Variants in FBXL7 observed in about 807,000 individuals in gnomAD.
The protein encoded by FBXL7 is F-box/LRR-repeat protein 7.
Under a neutral mutation model 38.3 loss-of-function variants are expected in FBXL7, and 12 were observed. That is an observed-to-expected ratio of 0.31 (90% CI 0.20 to 0.51). The LOEUF is 0.51. FBXL7 is among the 20% of genes least tolerant of loss of function. The pLI, the probability that FBXL7 is intolerant of heterozygous loss-of-function variation, is 0.98. For synonymous variants in FBXL7, 297 were observed against 300.9 expected (o/e 0.99, Z 0.13); for missense variants, 567 against 676.4 (o/e 0.84, Z 1.79).
chr5:15,712,208 T>C (rs1339836547), intron 2 of FBXL7, among the ~76,000 whole-genome samples: 2 of 152,236 alleles, frequency 1.3e-5, no homozygotes, highest in African/African-American at 4.8e-5. Flanking sequence ...TAATGCACTT[T>C]CCTGTAGTCA....
At chr5:15,507,623 G>A (rs946848677) in intron 1 of FBXL7, among the ~76,000 whole-genome samples, 1 of 152,218 alleles carries the variant, frequency 6.6e-6, no homozygotes, top group Admixed American at 6.5e-5. Context: ...AATAAAATAT[G>A]TGACAGCATC....
At chr5:15,749,522 G>A (rs1736101097) in intron 2 of FBXL7, among the ~76,000 whole-genome samples, 1 of 151,972 alleles carries the variant, frequency 6.6e-6, no homozygotes. Flanking sequence ...AGCTACTCGG[G>A]AGGCTGAGGC....
Position 15,661,295 on chromosome 5 carries a change from T to C in FBXL7, c.127+45223T>C, listed in dbSNP as rs987006732. Among the ~76,000 whole-genome samples the C allele has an allele frequency of 1.4e-3, 217 of 152,312 alleles. 1 individual carries two copies. The highest frequency in any genetic ancestry group is 5.1e-3 in the African/African-American group (210 of 41,572). On this transcript the variant is annotated intron_variant, in intron 2 of 3. Transcript: ENST00000504595. The stretch of plus-strand genomic sequence containing the variant: ...AAGTAATTTATTAGTTCTAATAGGT[T>C]TTTTTGTCAGTTCTTTGAGATTTTC...
rs568148001 is a variant in FBXL7, at chr5:15,865,867, A to T, written c.128-62023A>T. On this transcript the variant is annotated intron_variant, in intron 2 of 3. Transcript: ENST00000504595. ...CTTTCTTTACATGTTGAAAAAATTA[A>T]AAGTGCTTCAAAGGTCAGAGAAAAC... Among the ~76,000 whole-genome samples the T allele has an allele frequency of 2.0e-4, 31 of 152,342 alleles. No homozygotes were observed. In the South Asian group the frequency reaches 6.4e-3, roughly 32 times the overall value.
chr5:15,824,529 G>C (rs939461017), intron 2 of FBXL7, among the ~76,000 whole-genome samples: 1 of 151,380 alleles, frequency 6.6e-6, no homozygotes, highest in Non-Finnish European at 1.5e-5. Flanking sequence ...GAAAGTTCCA[G>C]ATTGAAAACT....
intron 1 of FBXL7, among the ~76,000 whole-genome samples, chr5:15,589,442 G>A (rs1250261446): frequency 6.6e-6 from 1 of 152,050 alleles, no homozygotes; most frequent in African/African-American, 2.4e-5. Context: ...GGCAAGTTGT[G>A]CCTGCTTCCC....
At chr5:15,777,748 T>TAAAAAAAAAAAAAAAAAAAAAAAAAA (rs1250146374) in intron 2 of FBXL7, among the ~76,000 whole-genome samples, 42 of 89,448 alleles carry the variant, frequency 4.7e-4, no homozygotes, top group African/African-American at 6.3e-4. Context: ...AAAAAAAAAG[T>TAAAAAAAAAAAAAAAAAAAAAAAAAA]AAATTCCAGT....
rs971624976 is a variant in FBXL7 at position 15,765,171 on chromosome 5, A to G, written c.127+149099A>G. Among the ~76,000 whole-genome samples, 10 of 152,260 alleles carry G rather than the reference A, an allele frequency of 6.6e-5. No individual in the cohort carries two copies. In the East Asian group the frequency reaches 1.5e-3, roughly 24 times the overall value. On this transcript the variant is annotated intron_variant, in intron 2 of 3. Transcript: ENST00000504595. ...ACCCTTCTTGGTGCACAGGTGAGCT[A>G]TATACGAACAGGCAGTGGCAGCCGG... is the stretch of plus-strand genomic sequence containing the variant.
chr5:15,779,482 A>AT (rs1736938448), intron 2 of FBXL7, among the ~76,000 whole-genome samples: 3 of 152,066 alleles, frequency 2.0e-5, no homozygotes, highest in African/African-American at 7.2e-5. Flanking sequence ...CATAAATGAA[A>AT]TTTTTTAAAA....
intron 2 of FBXL7, among the ~76,000 whole-genome samples, chr5:15,658,159 G>T (rs894199903): frequency 1.3e-5 from 2 of 152,146 alleles, no homozygotes; most frequent in Admixed American, 1.3e-4. Context: ...GTGTCCTGTG[G>T]AACAAGATGC....
chr5:15,729,429 G>A (rs1369250630), intron 2 of FBXL7, among the ~76,000 whole-genome samples: 1 of 152,000 alleles, frequency 6.6e-6, no homozygotes, highest in East Asian at 1.9e-4. Context: ...TATGACCCAT[G>A]TTCCAAATAA....
intron 2 of FBXL7, among the ~76,000 whole-genome samples, chr5:15,844,260 G>A (rs1000066651): frequency 6.6e-6 from 1 of 152,180 alleles, no homozygotes; most frequent in Non-Finnish European, 1.5e-5. Flanking sequence ...GGAAGGGGAA[G>A]TATTACCTCC....
chr5:15,627,665 G>A (rs1409055552), intron 2 of FBXL7, among the ~76,000 whole-genome samples: 1 of 152,100 alleles, frequency 6.6e-6, no homozygotes, highest in Admixed American at 6.6e-5. Context: ...GTGTACTGGG[G>A]AGGTTTTACA....
intron 2 of FBXL7, among the ~76,000 whole-genome samples, chr5:15,876,735 T>C (rs1487129976): frequency 1.3e-5 from 2 of 152,248 alleles, no homozygotes; most frequent in African/African-American, 4.8e-5. Flanking sequence ...GTTCCACTTA[T>C]GGGAGCTCTT....
intron 2 of FBXL7, 95 bp from the exon 3 acceptor site, chr5:15,927,794 GA>G: frequency 1.3e-5 from 8 of 603,184 alleles, no homozygotes; most frequent in African/African-American, 2.9e-5. Flanking sequence ...AAAAGAAGAA[GA>G]AAGAAAAGAA....
In FBXL7 at chr5:15,794,859, G is replaced by A. The variant is rs969103316; in HGVS notation, c.128-133031G>A. Among the ~76,000 whole-genome samples, 3 of 152,116 alleles carry A rather than the reference G, an allele frequency of 2.0e-5. No individual in the cohort carries two copies. In the East Asian group the frequency reaches 5.8e-4, roughly 29 times the overall value. On this transcript the variant is annotated intron_variant, in intron 2 of 3. Transcript: ENST00000504595. ...GAGAGGCGAAAAAAACAACACAAAAGGTTTTTCCTCTATAGTTAGAAATTT... is the reference window on the plus strand; with the variant it reads ...GAGAGGCGAAAAAAACAACACAAAAAGTTTTTCCTCTATAGTTAGAAATTT...
At chr5:15,661,416 A>C (rs1742065351) in intron 2 of FBXL7, among the ~76,000 whole-genome samples, 1 of 152,048 alleles carries the variant, frequency 6.6e-6, no homozygotes. Context: ...ATGGTTAGCT[A>C]AAACTTCTGT....
chr5:15,651,972 T>C (rs1383707307), intron 2 of FBXL7, among the ~76,000 whole-genome samples: 1 of 152,236 alleles, frequency 6.6e-6, no homozygotes, highest in Non-Finnish European at 1.5e-5. Context: ...ACAACAGCAT[T>C]TGCTGCTTCC....
At chr5:15,914,343 G>A (rs7728455) in intron 2 of FBXL7, among the ~76,000 whole-genome samples, 76 of 144,780 alleles carry the variant, frequency 5.2e-4, no homozygotes, top group African/African-American at 1.9e-3. Context: ...CCGAGATCGC[G>A]CCACTGCACT....
Sources: allele counts gnomAD v4.1 joint callset (sites outside exome capture counted in the v4.1 genomes callset), GRCh38; gene constraint gnomAD v4.1.1; transcripts MANE v1.5; gene names NCBI Gene and HGNC (gene_info 2026-07-23, HGNC 2026-07-21).